DMD: variants seen among roughly 807,000 people sequenced by gnomAD.
DMD encodes dystrophin.
A neutral mutation model predicts 330.1 loss-of-function variants in DMD; 63 were observed. The observed-to-expected ratio is 0.19, with a 90% CI of 0.16 to 0.24. The LOEUF (loss-of-function observed/expected upper bound fraction) is 0.24. Ranked by LOEUF, DMD falls within the 10% of genes least tolerant of loss-of-function variation. The pLI, the probability that DMD is intolerant of heterozygous loss-of-function variation, is 1.00. For synonymous variants in DMD, 1,223 were observed against 959.8 expected, an observed-to-expected ratio of 1.27 and a Z score of -5.07; for missense variants, 3,344 against 2,684.1, an observed-to-expected ratio of 1.25 and a Z score of -5.43.
chrX:32,853,168 T>C (rs951842340), intron 2 of DMD, among the ~76,000 whole-genome samples: 11 of 111,986 alleles, frequency 9.8e-5, no homozygotes, highest in Non-Finnish European at 1.7e-4. Flanking sequence ...ACAGAAGCTG[T>C]GGGATTTCAT....
At chrX:31,552,042 T>C (rs1222762106) in intron 55 of DMD, among the ~76,000 whole-genome samples, 4 of 112,657 alleles carry the variant, frequency 3.6e-5, no homozygotes, top group Non-Finnish European at 7.5e-5. Flanking sequence ...GGCCACAATA[T>C]TTATACTATT....
intron 43 of DMD, among the ~76,000 whole-genome samples, chrX:32,244,003 G>C (rs1449979817): frequency 9.7e-6 from 1 of 103,285 alleles, no homozygotes; most frequent in Non-Finnish European, 2.0e-5. Flanking sequence ...TGTGCACATT[G>C]TGTAGGTTAG....
intron 2 of DMD, among the ~76,000 whole-genome samples, chrX:33,010,319 T>C (rs1380528765): frequency 3.8e-5 from 4 of 106,544 alleles, no homozygotes; most frequent in Admixed American, 1.0e-4. Flanking sequence ...CATATATGTG[T>C]ATAAATATGT....
intron 29 of DMD, among the ~76,000 whole-genome samples, chrX:32,421,220 C>A (rs1235893178): frequency 8.9e-6 from 1 of 112,308 alleles, no homozygotes; most frequent in Non-Finnish European, 1.9e-5. Context: ...TCTTACTTAT[C>A]CACACTACAT....
At chrX:32,695,306 A>G (rs143191474) in intron 9 of DMD, among the ~76,000 whole-genome samples, 1,375 of 112,008 alleles carry the variant, frequency 0.012, 16 homozygotes, top group African/African-American at 0.041. Context: ...CCAATTTAAA[A>G]CAGAGACAAA....
In DMD at chrX:32,580,135, C is replaced by G. The variant is rs146642885; in HGVS notation, c.1603-6289G>C. On this transcript the variant is annotated intron_variant, in intron 13 of 78. Transcript: ENST00000357033. ...AGGAGCATTCCAGCGTAACAGTGTT[C>G]CTTCCAGCATTCATCACATTCCCAG... Among the ~76,000 whole-genome samples the G allele has an allele frequency of 1.2e-4, 13 of 110,468 alleles. 1 individual carries two copies. The East Asian group carries it at 3.7e-3, about 31-fold the overall frequency.
chrX:32,443,140 T>C lies in DMD; in HGVS notation c.3787-1826A>G, dbSNP rs1259131172. Among the ~76,000 whole-genome samples, 3 of 110,675 alleles carry C rather than the reference T, an allele frequency of 2.7e-5. No individual in the cohort carries two copies. The East Asian group carries it at 8.5e-4, about 32-fold the overall frequency. The stretch of plus-strand genomic sequence containing the variant: ...AACACAATGCAGCAATCATCACCAC[T>C]TACTACCACCTGCCCCCGCCTCACT... On this transcript the variant is annotated intron_variant, in intron 27 of 78. Transcript: ENST00000357033.
At chrX:31,703,290 T>C (rs184207949) in intron 52 of DMD, among the ~76,000 whole-genome samples, 25 of 112,652 alleles carry the variant, frequency 2.2e-4, no homozygotes, top group African/African-American at 8.1e-4. Context: ...CTGCCTGTTG[T>C]GATGCCTATA....
At position 32,738,700 on chromosome X, in the gene DMD, C is replaced by A. The variant is rs758704947; in HGVS notation, c.650-39407G>T. Among the ~76,000 whole-genome samples the A allele has an allele frequency of 0.065, 6,997 of 107,839 alleles. 3 individuals are homozygous for A. The highest frequency in any genetic ancestry group is 0.24 in the African/African-American group (6,568 of 27,427). 93.6% of individuals were successfully genotyped at this position (107,839 alleles called of 115,157 possible). A position where few individuals can be genotyped will look rare whatever the true frequency, so the allele number is the denominator to read the frequency against. ...TACATGTTCACTTGTCACCCGTCTG[C>A]AGAACAGAATTGGAGAACATCCATA... On this transcript the variant is annotated intron_variant, in intron 7 of 78. Transcript: ENST00000357033.
At chrX:32,758,422 C>T (rs2071787470) in intron 7 of DMD, among the ~76,000 whole-genome samples, 2 of 111,423 alleles carry the variant, frequency 1.8e-5, no homozygotes, top group African/African-American at 6.5e-5. Context: ...ATTTTGGTAC[C>T]TCTCTACAGG....
rs757442480 is a variant in DMD, at chrX:32,226,986, T to A, written c.6291-9923A>T. On this transcript the variant is annotated intron_variant, in intron 43 of 78. Coordinates refer to ENST00000357033, the MANE Select transcript of DMD (RefSeq NM_004006.3). ...TAATTTAGCAAGTTCAACACCATCC[T>A]AAAAAGAATACACTTTGCACAAATT... is the stretch of plus-strand genomic sequence containing the variant. Among the ~76,000 whole-genome samples, 37 of 108,323 alleles carry A rather than the reference T, an allele frequency of 3.4e-4. No homozygotes were observed. In the South Asian group the frequency reaches 0.011, roughly 31 times the overall value. 94.1% of individuals were successfully genotyped at this position (108,323 alleles called of 115,157 possible). A position where few individuals can be genotyped will look rare whatever the true frequency, so the allele number is the denominator to read the frequency against.
At chrX:32,823,263 C>T in intron 5 of DMD, 32 bp downstream of exon 5, 1 of 1,107,697 alleles carries the variant, frequency 9.0e-7, no homozygotes, top group Non-Finnish European at 1.2e-6. Flanking sequence ...ATTAATGTTA[C>T]CCAAAAGGAA....
At chrX:32,071,036 T>A in intron 44 of DMD, among the ~76,000 whole-genome samples, 1 of 111,527 alleles carries the variant, frequency 9.0e-6, no homozygotes, top group Non-Finnish European at 1.9e-5. Flanking sequence ...GGTGTATATG[T>A]GCCACATTTT....
At position 33,246,252 on chromosome X, in the gene DMD, G is replaced by C. The variant is rs766868100; in HGVS notation, c.7+93007C>G. On this transcript the variant is annotated intron_variant, in intron 1 of 17. Transcript: ENST00000288447. ...AGGCAGTGAGCATTTAGTCTAATCT[G>C]GCCAGTGCAGAACACACCTGGGCCT... is the stretch of plus-strand genomic sequence containing the variant. 3.6e-5 allele frequency among the ~76,000 whole-genome samples: 4 copies of C among 111,923 alleles called. No homozygotes were observed. In the East Asian group the frequency reaches 1.1e-3, roughly 32 times the overall value.
rs58505662 is a variant in DMD at position 33,129,325 on chromosome X, CTTTTTTTTTTT to C, written c.31+81946_31+81956del. Among the ~76,000 whole-genome samples the C allele has an allele frequency of 5.1e-3, 158 of 30,714 alleles. 1 individual carries two copies. Among genetic ancestry groups the C allele is most frequent in the African/African-American group, 0.02 (143 of 7,160 alleles). The allele number at this position is 30,714 out of a possible 115,157, so 26.7% of individuals were successfully genotyped here. ...AATCCAGAGTTACAGTTAAGGTTTGCTTTTTTTTTTTTTTTTTTTTTTTTTTTTTTTAGTAG... is the reference window on the plus strand; with the variant it reads ...AATCCAGAGTTACAGTTAAGGTTTGCTTTTTTTTTTTTTTTTTTTTAGTAG... On this transcript the variant is annotated intron_variant, in intron 1 of 78. Transcript: ENST00000357033.
chrX:32,401,298 A>C (rs911298527), intron 30 of DMD, among the ~76,000 whole-genome samples: 13 of 108,925 alleles, frequency 1.2e-4, no homozygotes, highest in Non-Finnish European at 3.8e-5. Context: ...AACCTGCACA[A>C]TGTGCACATG....
At chrX:32,261,932 A>G (rs1443479516) in intron 43 of DMD, among the ~76,000 whole-genome samples, 2 of 111,968 alleles carry the variant, frequency 1.8e-5, no homozygotes, top group East Asian at 5.6e-4. Flanking sequence ...ATTAAATTAT[A>G]AAATTTAAAC....
chrX:33,334,890 G>A (rs1459914830), intron 1 of DMD, among the ~76,000 whole-genome samples: 1 of 111,277 alleles, frequency 9.0e-6, no homozygotes. Context: ...TCCATTCTTA[G>A]CACTGAACAC....
At chrX:32,832,420 G>A (rs2079226801) in intron 4 of DMD, among the ~76,000 whole-genome samples, 1 of 110,364 alleles carries the variant, frequency 9.1e-6, no homozygotes, top group South Asian at 3.8e-4. Context: ...CATCTATTTG[G>A]TTCTTTCATT....
Sources: gnomAD v4.1 joint callset for allele counts (sites outside exome capture counted in the v4.1 genomes callset) on GRCh38, gnomAD v4.1.1 for gene constraint, MANE v1.5 for transcripts, NCBI Gene and HGNC (gene_info 2026-07-23, HGNC 2026-07-21) for gene names.